The following MYOCD variants were observed in gnomAD, a reference collection of about 807,000 sequenced individuals.
The protein encoded by MYOCD is myocardin.
In MYOCD, 32 loss-of-function variants were observed where a neutral mutation model predicts 96.1. That is an observed-to-expected ratio of 0.33 (90% CI 0.25 to 0.45). The LOEUF (loss-of-function observed/expected upper bound fraction) is 0.45, where lower values mean the gene tolerates loss of function less well. Among genes scored for constraint, MYOCD ranks in the 20% least tolerant of loss-of-function variants. MYOCD has a pLI of 1.00. For synonymous variants in MYOCD, 469 were observed against 469.0 expected, an observed-to-expected ratio of 1.00 and a Z score of 0.00; for missense variants, 1,133 against 1,200.6, an observed-to-expected ratio of 0.94 and a Z score of 0.83.
At chr17:12,723,068 A>G (rs141218443) in intron 5 of MYOCD, 60 bp downstream of exon 5, 137 of 1,519,908 alleles carry the variant, frequency 9.0e-5, no homozygotes, top group Non-Finnish European at 1.2e-4. Flanking sequence ...GGCAGCCCGG[A>G]GCTCTGACAT....
intron 1 of MYOCD, among the ~76,000 whole-genome samples, chr17:12,691,762 A>G (rs8068741): frequency 0.038 from 5,805 of 152,280 alleles, 196 homozygotes; most frequent in African/African-American, 0.091. Flanking sequence ...ACTTACACTC[A>G]TGAGATAAAA....
At chr17:12,683,650 CT>C in intron 1 of MYOCD, among the ~76,000 whole-genome samples, 1 of 152,250 alleles carries the variant, frequency 6.6e-6, no homozygotes, top group East Asian at 1.9e-4. Flanking sequence ...CTGACAACTC[CT>C]TTTATTTATT....
chr17:12,739,065 A>G (rs1282705032), intron 6 of MYOCD, 138 bp from the exon 7 acceptor site: 3 of 932,380 alleles, frequency 3.2e-6, no homozygotes, highest in African/African-American at 1.6e-5. Context: ...GACTCCTCCC[A>G]CTGAGGGAGT....
In MYOCD at chr17:12,683,210, G is replaced by A. The variant is rs2029895161; in HGVS notation, c.55+16967G>A. ...TCCAGTCCCATTTCCAAAATTCCTA[G>A]GGAAAAGTTCAGTCTGGCTTGAGGG... On this transcript the variant is annotated intron_variant, in intron 1 of 13. Transcript: ENST00000425538. Among the ~76,000 whole-genome samples, 3 of 152,076 alleles carry A rather than the reference G, an allele frequency of 2.0e-5. No individual in the cohort carries two copies. The South Asian group carries it at 6.2e-4, about 32-fold the overall frequency.
intron 1 of MYOCD, among the ~76,000 whole-genome samples, chr17:12,693,426 A>G (rs2030566004): frequency 6.6e-6 from 1 of 151,994 alleles, no homozygotes; most frequent in African/African-American, 2.4e-5. Context: ...CCTGGCCAAC[A>G]TTGTGAAACC....
rs143522744 is a variant in MYOCD, at chr17:12,756,760, A to T, written c.2202+203A>T. ...GAACAATATAGGTTAACAATGACTGATCTATGCTTACAACATTAAATGCTG... is the reference window on the plus strand; with the variant it reads ...GAACAATATAGGTTAACAATGACTGTTCTATGCTTACAACATTAAATGCTG... On this transcript the variant is annotated intron_variant, in intron 11 of 13. Transcript: ENST00000425538. 2.3e-3 allele frequency among the ~76,000 whole-genome samples: 343 copies of T among 151,402 alleles called. 3 individuals carry two copies. Among genetic ancestry groups the T allele is most frequent in the African/African-American group, 7.9e-3 (329 of 41,462 alleles).
chr17:12,728,636 T>C (rs1272185050), intron 5 of MYOCD, among the ~76,000 whole-genome samples: 2 of 152,102 alleles, frequency 1.3e-5, no homozygotes, highest in Admixed American at 6.5e-5. Context: ...TCCACCACCA[T>C]GCCCAGCTAA....
intron 1 of MYOCD, among the ~76,000 whole-genome samples, chr17:12,670,216 A>G (rs1909619324): frequency 1.3e-5 from 2 of 152,158 alleles, no homozygotes; most frequent in Non-Finnish European, 2.9e-5. Context: ...CTGTGGCTGA[A>G]TTCAGGTAGT....
At chr17:12,760,949 A>G (rs1169414591) in intron 13 of MYOCD, 7 of 438,122 alleles carry the variant, frequency 1.6e-5, no homozygotes, top group Non-Finnish European at 2.1e-5. Flanking sequence ...AATAGTTTTC[A>G]TGTTTCAGCC....
At chr17:12,739,446 C>T in intron 7 of MYOCD, 118 bp downstream of exon 7, 1 of 1,207,816 alleles carries the variant, frequency 8.3e-7, no homozygotes. Context: ...AGGACCCAGG[C>T]AGAGGTTCAG....
In MYOCD at chr17:12,673,832, T is replaced by C. The variant is rs115189857; in HGVS notation, c.55+7589T>C. On this transcript the variant is annotated intron_variant, in intron 1 of 13. Coordinates refer to ENST00000425538, the MANE Select transcript of MYOCD (RefSeq NM_001146312.3). ...CTATTTCTATTTGGCGATGAATGCT[T>C]GTCCCTACTGTACAACTAACTCAGA... Among the ~76,000 whole-genome samples, 432 of 152,328 alleles carry C rather than the reference T, an allele frequency of 2.8e-3. 2 individuals carry two copies. The highest frequency in any genetic ancestry group is 9.7e-3 in the African/African-American group (405 of 41,578).
chr17:12,727,159 A>G (rs936045913), intron 5 of MYOCD, among the ~76,000 whole-genome samples: 1 of 152,196 alleles, frequency 6.6e-6, no homozygotes, highest in African/African-American at 2.4e-5. Flanking sequence ...AGAAACAGGG[A>G]ATCTGTGACT....
intron 1 of MYOCD, among the ~76,000 whole-genome samples, chr17:12,696,072 G>GTTTTT (rs2030733886): frequency 6.6e-6 from 1 of 151,930 alleles, no homozygotes; most frequent in Non-Finnish European, 1.5e-5. Flanking sequence ...TGTTGTTGTT[G>GTTTTT]TTTTAGACAG....
At chr17:12,743,097 A>G (rs1247460744) in intron 7 of MYOCD, among the ~76,000 whole-genome samples, 2 of 152,212 alleles carry the variant, frequency 1.3e-5, no homozygotes, top group African/African-American at 4.8e-5. Flanking sequence ...ATTAAAGTTA[A>G]GTAATTGTAC....
intron 1 of MYOCD, chr17:12,704,916 A>G (rs1205125434): frequency 1.9e-6 from 1 of 529,446 alleles, no homozygotes; most frequent in Non-Finnish European, 3.4e-6. Flanking sequence ...TTCTAATTCT[A>G]GTTTGGGACA....
At chr17:12,680,924 C>A (rs188111152) in intron 1 of MYOCD, among the ~76,000 whole-genome samples, 2 of 152,146 alleles carry the variant, frequency 1.3e-5, no homozygotes, top group Admixed American at 6.5e-5. Flanking sequence ...CAATAGAGCA[C>A]CCCAAGAACT....
At chr17:12,666,344 T>C (rs1909375388) in intron 1 of MYOCD, 101 bp downstream of exon 1, 1 of 897,938 alleles carries the variant, frequency 1.1e-6, no homozygotes, top group African/African-American at 1.7e-5. Context: ...CTGCCAGGTC[T>C]ACCTCAACTT....
Position 12,739,209 on chromosome 17 carries a change from G to A in MYOCD, c.598G>A (p.Ala200Thr), listed in dbSNP as rs1366722239. Reference protein sequence around the residue: ...TGSLGTNQDLASGSENDRNDS... With the variant: ...TGSLGTNQDLTSGSENDRNDS... ...GGTAACATTTGGATTTCAGGATCTT[G>A]CTTCTGGCTCAGAAAATGACAGAAA... The change falls in exon 7 of 14, where the codon GCT becomes ACT. Residue 200 changes from alanine (A) to threonine (T), a missense_variant. By Grantham distance (58) the Ala-to-Thr change is moderately conservative. Transcript: ENST00000425538. 6.2e-7 allele frequency: 1 copy of A among 1,606,362 alleles called. No homozygotes were observed. Among genetic ancestry groups the A allele is most frequent in the South Asian group, 1.1e-5 (1 of 89,276 alleles).
rs2033290595 is a variant in MYOCD at position 12,764,782 on chromosome 17, C to G, written c.*1138C>G. ...ATTGGGAGGGGAGGACTTCTCAGTT[C>G]TAACAAGCTGCCATACTCCTAAGAA... is the stretch of plus-strand genomic sequence containing the variant. On this transcript the variant is annotated 3_prime_UTR_variant, in exon 14 of 14. Transcript: ENST00000425538. 1 of 152,120 alleles carries G rather than the reference C, an allele frequency of 6.6e-6. No homozygotes were observed. Among genetic ancestry groups the G allele is most frequent in the South Asian group, 2.1e-4 (1 of 4,818 alleles). 9.4% of individuals were successfully genotyped at this position (152,120 alleles called of 1,614,324 possible).
Sources: gnomAD v4.1 joint callset for allele counts (sites outside exome capture counted in the v4.1 genomes callset) on GRCh38, gnomAD v4.1.1 for gene constraint, MANE v1.5 for transcripts, NCBI Gene and HGNC (gene_info 2026-07-23, HGNC 2026-07-21) for gene names.